Variants in GTF2B observed in about 807,000 individuals in gnomAD.
GTF2B encodes transcription initiation factor IIB.
In GTF2B, 20 loss-of-function variants were observed where a neutral mutation model predicts 34.6. That is an observed-to-expected ratio of 0.58 (90% CI 0.41 to 0.84). GTF2B has a LOEUF of 0.84. Ranked by LOEUF, GTF2B falls within the 40% of genes least tolerant of loss-of-function variation. The probability of loss-of-function intolerance (pLI) is 0.00; values close to 1 mark genes in which losing one functional copy is unlikely to be tolerated. For missense variants in GTF2B, 237 were observed against 393.3 expected (o/e 0.60, Z 3.36); for synonymous variants, 142 against 132.4 (o/e 1.07, Z -0.50).
intron 6 of GTF2B, among the ~76,000 whole-genome samples, chr1:88,856,710 G>A (rs540269824): frequency 2.6e-5 from 4 of 152,046 alleles, no homozygotes; most frequent in African/African-American, 4.8e-5. Context: ...TGTTCACAGG[G>A]TTATGTCTCT....
At chr1:88,870,079 C>A (rs530460741) in intron 2 of GTF2B, among the ~76,000 whole-genome samples, 1 of 152,134 alleles carries the variant, frequency 6.6e-6, no homozygotes, top group Non-Finnish European at 1.5e-5. Flanking sequence ...AGGCGCCCAC[C>A]ACCACGCCTG....
At chr1:88,855,797 A>G (rs1042346487) in intron 6 of GTF2B, among the ~76,000 whole-genome samples, 2 of 151,932 alleles carry the variant, frequency 1.3e-5, no homozygotes, top group South Asian at 2.1e-4. Context: ...TGGGATTCAG[A>G]TATGTGCCAC....
intron 2 of GTF2B, among the ~76,000 whole-genome samples, chr1:88,874,372 G>GA (rs199546377): frequency 0.011 from 1,644 of 151,764 alleles, 26 homozygotes; most frequent in African/African-American, 0.038. Flanking sequence ...AGAGTGCAGT[G>GA]ACACAATCAT....
At chr1:88,857,732 A>T (rs914330434) in intron 5 of GTF2B, among the ~76,000 whole-genome samples, 1 of 116,570 alleles carries the variant, frequency 8.6e-6, no homozygotes, top group Non-Finnish European at 1.6e-5. Flanking sequence ...GCCCAGACTA[A>T]GGGTAGTGGC....
intron 2 of GTF2B, among the ~76,000 whole-genome samples, chr1:88,871,261 T>G (rs899810919): frequency 5.3e-5 from 8 of 152,224 alleles, no homozygotes; most frequent in African/African-American, 1.9e-4. Context: ...TATTATACTT[T>G]AATACTTACA....
intron 2 of GTF2B, among the ~76,000 whole-genome samples, chr1:88,882,856 T>C (rs949788521): frequency 6.6e-6 from 1 of 152,248 alleles, no homozygotes; most frequent in Admixed American, 6.5e-5. Flanking sequence ...ACTGTTACAC[T>C]GCAGATTAGT....
At chr1:88,856,275 A>C (rs1673304254) in intron 6 of GTF2B, among the ~76,000 whole-genome samples, 3 of 127,204 alleles carry the variant, frequency 2.4e-5, no homozygotes, top group Admixed American at 8.0e-5. Context: ...TCAAAAACAA[A>C]AAAAAAAAAA....
chr1:88,887,624 T>C, intron 1 of GTF2B: 2 of 390,440 alleles, frequency 5.1e-6, no homozygotes, highest in South Asian at 2.3e-5. Flanking sequence ...AAATAATTGT[T>C]TCTTCTCTCA....
intron 2 of GTF2B, among the ~76,000 whole-genome samples, chr1:88,879,164 A>G (rs943379408): frequency 6.6e-6 from 1 of 152,120 alleles, no homozygotes; most frequent in African/African-American, 2.4e-5. Context: ...GGGCCTCAAG[A>G]AGAAGGAGGT....
At chr1:88,880,346 A>G (rs1673908458) in intron 2 of GTF2B, among the ~76,000 whole-genome samples, 1 of 152,082 alleles carries the variant, frequency 6.6e-6, no homozygotes, top group African/African-American at 2.4e-5. Flanking sequence ...TTTCTTCCCC[A>G]TTTTCTTAGT....
intron 1 of GTF2B, 33 bp downstream of exon 1, chr1:88,891,450 C>A: frequency 6.3e-7 from 1 of 1,587,340 alleles, no homozygotes; most frequent in Non-Finnish European, 8.6e-7. Context: ...GCGCCCGCCC[C>A]TCAGCTCGCC....
chr1:88,866,845 G>A (rs758093945), intron 2 of GTF2B, among the ~76,000 whole-genome samples: 4 of 152,202 alleles, frequency 2.6e-5, no homozygotes, highest in African/African-American at 4.8e-5. Flanking sequence ...AGGAGAACAC[G>A]CAAGGAAGGC....
At chr1:88,860,634 G>T (rs1166719766) in intron 3 of GTF2B, among the ~76,000 whole-genome samples, 1 of 152,046 alleles carries the variant, frequency 6.6e-6, no homozygotes, top group Non-Finnish European at 1.5e-5. Context: ...ACTAGAGATT[G>T]TTCCACAAGA....
At chr1:88,872,423 G>A (rs961629932) in intron 2 of GTF2B, among the ~76,000 whole-genome samples, 1 of 114,090 alleles carries the variant, frequency 8.8e-6, no homozygotes, top group South Asian at 3.1e-4. Flanking sequence ...TTGTACTCCA[G>A]CCTGGGCAAC....
At chr1:88,869,171 A>AT (rs1189416723) in intron 2 of GTF2B, among the ~76,000 whole-genome samples, 1 of 152,202 alleles carries the variant, frequency 6.6e-6, no homozygotes, top group Admixed American at 6.5e-5. Flanking sequence ...ATAAACAACT[A>AT]TTTACACAGC....
At position 88,865,846 on chromosome 1, in the gene GTF2B, A is replaced by AC. The variant is rs1553162623; in HGVS notation, c.125-1733_125-1732insG. ...CAAGAGTGAAACTCCATCTCAAAAA[A>AC]AAAACAAAACAAAACAAACAAACAA... On this transcript the variant is annotated intron_variant, in intron 2 of 6. Transcript: ENST00000370500. Among the ~76,000 whole-genome samples, 164 of 149,128 alleles carry AC rather than the reference A, an allele frequency of 1.1e-3. 1 individual carries two copies. The highest frequency in any genetic ancestry group is 3.8e-3 in the African/African-American group (149 of 38,842).
intron 2 of GTF2B, 35 bp from the exon 3 acceptor site, chr1:88,864,149 C>G: frequency 6.2e-7 from 1 of 1,609,512 alleles, no homozygotes; most frequent in East Asian, 2.2e-5. Flanking sequence ...ATCATTTTGT[C>G]AAGATAGGGT....
chr1:88,880,663 C>G (rs982356184), intron 2 of GTF2B, among the ~76,000 whole-genome samples: 4 of 152,132 alleles, frequency 2.6e-5, no homozygotes, highest in Non-Finnish European at 5.9e-5. Flanking sequence ...CTTTCTCCCA[C>G]TTTTCATAGG....
Position 88,864,121 on chromosome 1 carries a change from A to AT in GTF2B, c.125-8dup, listed in dbSNP as rs760413437. 378 of 1,613,548 alleles carry AT rather than the reference A, an allele frequency of 2.3e-4. No individual in the cohort carries two copies. The highest frequency in any genetic ancestry group is 3.3e-4 in the Middle Eastern group (2 of 6,056). ...ACATCAATAACCCGGTCACCTAAGAATATAAGCACATATCTGAATCATTTT... is the reference window on the plus strand; with the variant it reads ...ACATCAATAACCCGGTCACCTAAGAATTATAAGCACATATCTGAATCATTTT... On this transcript the variant is annotated splice_region_variant and splice_polypyrimidine_tract_variant and intron_variant, in intron 2 of 6. Transcript: ENST00000370500.
Sources: allele counts gnomAD v4.1 joint callset (sites outside exome capture counted in the v4.1 genomes callset), GRCh38; gene constraint gnomAD v4.1.1; transcripts MANE v1.5; gene names NCBI Gene and HGNC (gene_info 2026-07-23, HGNC 2026-07-21).